The following RSPO3 variants were observed in gnomAD, a reference collection of about 807,000 sequenced individuals.
RSPO3 encodes the protein R-spondin-3.
In RSPO3, 17 loss-of-function variants were observed where a neutral mutation model predicts 36.5. The observed-to-expected ratio is 0.47, with a 90% confidence interval of 0.32 to 0.70. The LOEUF (loss-of-function observed/expected upper bound fraction) is 0.70. RSPO3 is among the 30% of genes least tolerant of loss of function. RSPO3 has a pLI of 0.04. For synonymous variants in RSPO3, 108 were observed against 107.0 expected (o/e 1.01, Z -0.06); for missense variants, 294 against 322.5 (o/e 0.91, Z 0.68).
At chr6:127,151,555 A>G (rs1335367040) in intron 3 of RSPO3, among the ~76,000 whole-genome samples, 1 of 151,992 alleles carries the variant, frequency 6.6e-6, no homozygotes, top group Non-Finnish European at 1.5e-5. Context: ...TGGAGTCCCC[A>G]TCTTAGGGGT....
chr6:127,121,596 G>A (rs2114531013), intron 1 of RSPO3, among the ~76,000 whole-genome samples: 1 of 152,302 alleles, frequency 6.6e-6, no homozygotes, highest in African/African-American at 2.4e-5. Flanking sequence ...GTCCTCGGAG[G>A]AGACAGACTA....
intron 1 of RSPO3, among the ~76,000 whole-genome samples, chr6:127,123,393 G>A (rs930092594): frequency 2.0e-5 from 3 of 152,084 alleles, no homozygotes; most frequent in South Asian, 4.1e-4. Flanking sequence ...ATACAGACAC[G>A]AATAGAATTT....
intron 1 of RSPO3, among the ~76,000 whole-genome samples, chr6:127,146,260 T>A (rs1307450392): frequency 6.6e-6 from 1 of 151,610 alleles, no homozygotes; most frequent in Non-Finnish European, 1.5e-5. Context: ...TTTTCAAAAA[T>A]CAAATTTTTA....
At chr6:127,156,665 C>T (rs900538432) in intron 4 of RSPO3, among the ~76,000 whole-genome samples, 5 of 152,090 alleles carry the variant, frequency 3.3e-5, no homozygotes, top group African/African-American at 1.2e-4. Flanking sequence ...TGGCTATGCA[C>T]TGTACTAGGG....
chr6:127,148,773 G>A lies in RSPO3; in HGVS notation c.223G>A (p.Val75Ile), dbSNP rs1774434550. ...AAGAATTGGCATGAAGCAGATTGGA[G>A]TATGTCTCTCTTCATGTCCAAGTGG... ...LERIGMKQIG[V>I]CLSSCPSGYY... Residue 75 changes from valine to isoleucine, a missense_variant, in exon 2 of 5, where the codon GTA becomes ATA. By Grantham distance (29) the Val-to-Ile change is conservative. Transcript: ENST00000356698. 1 of 1,613,130 alleles carries A rather than the reference G, an allele frequency of 6.2e-7. No individual in the cohort carries two copies. The highest frequency in any genetic ancestry group is 8.5e-7 in the Non-Finnish European group (1 of 1,179,336).
At chr6:127,128,227 A>G (rs917026748) in intron 1 of RSPO3, among the ~76,000 whole-genome samples, 5 of 152,076 alleles carry the variant, frequency 3.3e-5, no homozygotes, top group African/African-American at 1.2e-4. Flanking sequence ...AAAGTCTGTT[A>G]TTTATATTAC....
chr6:127,123,157 T>C (rs2114533999), intron 1 of RSPO3, among the ~76,000 whole-genome samples: 1 of 152,294 alleles, frequency 6.6e-6, no homozygotes, highest in Non-Finnish European at 1.5e-5. Flanking sequence ...GTTTCAGATG[T>C]TGAGCCAGTC....
chr6:127,165,705 T>C (rs1774808813), intron 4 of RSPO3, among the ~76,000 whole-genome samples: 1 of 152,038 alleles, frequency 6.6e-6, no homozygotes, highest in Non-Finnish European at 1.5e-5. Flanking sequence ...AATAACTGTT[T>C]CTTCTCATGT....
intron 1 of RSPO3, among the ~76,000 whole-genome samples, chr6:127,139,938 A>G (rs191658317): frequency 6.6e-6 from 1 of 151,496 alleles, no homozygotes; most frequent in African/African-American, 2.4e-5. Context: ...ACTTGCGATT[A>G]GGAAAAAAAA....
At chr6:127,160,924 A>T (rs974060539) in intron 4 of RSPO3, among the ~76,000 whole-genome samples, 2 of 152,068 alleles carry the variant, frequency 1.3e-5, no homozygotes, top group African/African-American at 4.8e-5. Flanking sequence ...TCATGGTCAC[A>T]TATGACTTAT....
At chr6:127,180,146 T>A (rs970226973) in intron 4 of RSPO3, among the ~76,000 whole-genome samples, 1 of 151,874 alleles carries the variant, frequency 6.6e-6, no homozygotes, top group African/African-American at 2.4e-5. Context: ...TATTGGCTCT[T>A]AAAGGCCAAG....
At chr6:127,179,625 A>G (rs1775140266) in intron 4 of RSPO3, among the ~76,000 whole-genome samples, 1 of 151,902 alleles carries the variant, frequency 6.6e-6, no homozygotes, top group Non-Finnish European at 1.5e-5. Flanking sequence ...TAAATTACCA[A>G]AAACTTAGTG....
intron 1 of RSPO3, 22 bp downstream of exon 1, chr6:127,119,311 C>T: frequency 6.4e-7 from 1 of 1,569,390 alleles, no homozygotes; most frequent in South Asian, 1.1e-5. Flanking sequence ...GTTTTTTACG[C>T]GTTTGCTCCC....
intron 4 of RSPO3, among the ~76,000 whole-genome samples, chr6:127,178,589 A>C (rs958387664): frequency 8.6e-5 from 13 of 151,756 alleles, no homozygotes; most frequent in Non-Finnish European, 1.6e-4. Context: ...TACACACACA[A>C]ACACACACAT....
At chr6:127,184,371 G>T (rs1775247845) in intron 4 of RSPO3, among the ~76,000 whole-genome samples, 1 of 151,806 alleles carries the variant, frequency 6.6e-6, no homozygotes, top group Admixed American at 6.6e-5. Flanking sequence ...TTGACAAATT[G>T]CAAAAAGGCC....
At chr6:127,121,826 G>A (rs1190693819) in intron 1 of RSPO3, among the ~76,000 whole-genome samples, 1 of 152,134 alleles carries the variant, frequency 6.6e-6, no homozygotes, top group East Asian at 1.9e-4. Flanking sequence ...GAAAACATGT[G>A]GTCAAACGTG....
intron 1 of RSPO3, among the ~76,000 whole-genome samples, chr6:127,139,099 A>G (rs1774218334): frequency 1.3e-5 from 2 of 152,174 alleles, no homozygotes; most frequent in Non-Finnish European, 2.9e-5. Flanking sequence ...CATAAGTATA[A>G]AGATGCATCA....
chr6:127,141,208 A>G (rs2114567308), intron 1 of RSPO3, among the ~76,000 whole-genome samples: 1 of 152,310 alleles, frequency 6.6e-6, no homozygotes, highest in South Asian at 2.1e-4. Flanking sequence ...GTGTATCCAT[A>G]TACAGTGAAG....
intron 4 of RSPO3, among the ~76,000 whole-genome samples, chr6:127,175,915 T>G (rs1775047325): frequency 1.3e-5 from 2 of 151,794 alleles, no homozygotes; most frequent in Non-Finnish European, 2.9e-5. Flanking sequence ...AATTCTAAGA[T>G]TCATCTTAAA....
Sources: gnomAD v4.1 joint callset for allele counts (sites outside exome capture counted in the v4.1 genomes callset) on GRCh38, gnomAD v4.1.1 for gene constraint, MANE v1.5 for transcripts, NCBI Gene and HGNC (gene_info 2026-07-23, HGNC 2026-07-21) for gene names.